CNTNAP5: variants seen among roughly 807,000 people sequenced by gnomAD.
The protein encoded by CNTNAP5 is contactin associated protein family member 5.
CNTNAP5 carries 72 observed loss-of-function variants against 150.2 expected under a neutral mutation model. The ratio of observed to expected loss-of-function variants is 0.48; its 90% CI spans 0.40 to 0.58. CNTNAP5 has a LOEUF of 0.58. Among genes scored for constraint, CNTNAP5 ranks in the 20% least tolerant of loss-of-function variants. The probability of loss-of-function intolerance (pLI) is 0.00; values close to 1 mark genes in which losing one functional copy is unlikely to be tolerated. For synonymous variants in CNTNAP5, 672 were observed against 619.8 expected, an observed-to-expected ratio of 1.08 and a Z score of -1.25; for missense variants, 1,636 against 1,626.2, an observed-to-expected ratio of 1.01 and a Z score of -0.10.
At chr2:124,620,184 G>A (rs982768861) in intron 12 of CNTNAP5, among the ~76,000 whole-genome samples, 1 of 152,038 alleles carries the variant, frequency 6.6e-6, no homozygotes, top group Non-Finnish European at 1.5e-5. Context: ...ACTTGAATGA[G>A]TCTAGTGTAA....
At chr2:124,856,591 G>C (rs1417796064) in intron 19 of CNTNAP5, among the ~76,000 whole-genome samples, 1 of 152,112 alleles carries the variant, frequency 6.6e-6, no homozygotes, top group African/African-American at 2.4e-5. Flanking sequence ...GATCATGAGT[G>C]ATGTTGAGCA....
intron 13 of CNTNAP5, among the ~76,000 whole-genome samples, chr2:124,714,716 T>C (rs914024966): frequency 6.6e-6 from 1 of 151,498 alleles, no homozygotes; most frequent in Non-Finnish European, 1.5e-5. Flanking sequence ...CTATATATTG[T>C]ATAATAATAT....
At chr2:124,675,180 CTTA>C (rs1156752220) in intron 13 of CNTNAP5, among the ~76,000 whole-genome samples, 2 of 151,936 alleles carry the variant, frequency 1.3e-5, no homozygotes, top group Non-Finnish European at 2.9e-5. Context: ...ATGATTTTCT[CTTA>C]TTATTATAAA....
chr2:124,465,263 T>G (rs923577748), intron 6 of CNTNAP5, among the ~76,000 whole-genome samples: 5 of 152,190 alleles, frequency 3.3e-5, no homozygotes, highest in African/African-American at 1.2e-4. Context: ...AGCTCACCTG[T>G]GACAACAGTA....
intron 17 of CNTNAP5, among the ~76,000 whole-genome samples, chr2:124,784,279 C>T (rs1681517847): frequency 6.6e-6 from 1 of 152,148 alleles, no homozygotes; most frequent in Non-Finnish European, 1.5e-5. Context: ...ATCAGTTTTG[C>T]TGGAGCATGT....
At chr2:124,124,036 G>C (rs1477090335) in intron 1 of CNTNAP5, among the ~76,000 whole-genome samples, 1 of 152,178 alleles carries the variant, frequency 6.6e-6, no homozygotes, top group Non-Finnish European at 1.5e-5. Context: ...TCCAGCAACG[G>C]AACAAAGCTG....
chr2:124,312,420 C>T (rs183387412), intron 3 of CNTNAP5, among the ~76,000 whole-genome samples: 2 of 152,236 alleles, frequency 1.3e-5, no homozygotes, highest in East Asian at 3.9e-4. Context: ...GTGATCTCGG[C>T]TCACTGCAAC....
chr2:124,674,908 A>C (rs1176694093), intron 13 of CNTNAP5, among the ~76,000 whole-genome samples: 3 of 152,068 alleles, frequency 2.0e-5, no homozygotes, highest in African/African-American at 7.2e-5. Context: ...CATATGGTCT[A>C]TCTTGGATAA....
chr2:124,408,031 G>T lies in CNTNAP5; in HGVS notation c.382-9412G>T, dbSNP rs193112933. ...GCGCAGGTCAGTGGGTGCGCGCACC[G>T]TACGCCAGCCGAAGCAGGGCGAGGC... On this transcript the variant is annotated intron_variant, in intron 3 of 23. Transcript: ENST00000682447. Among the ~76,000 whole-genome samples the T allele has an allele frequency of 4.0e-3, 611 of 151,986 alleles. 9 individuals are homozygous for T. The highest frequency in any genetic ancestry group is 0.013 in the African/African-American group (544 of 41,460).
chr2:124,446,925 C>A lies in CNTNAP5; in HGVS notation c.906C>A (p.Asp302Glu), dbSNP rs1361960256. The A allele has an allele frequency of 6.2e-7, 1 of 1,613,342 alleles. No individual in the cohort carries two copies. The highest frequency in any genetic ancestry group is 8.5e-7 in the Non-Finnish European group (1 of 1,179,492). The change falls in exon 6 of 24, where the codon GAC becomes GAA. Residue 302 changes from aspartate (D) to glutamate (E), a missense_variant. Asp to Glu is a conservative substitution (Grantham distance 45, BLOSUM62 2). Transcript: ENST00000682447. ...FRTKGETDAL[D>E]IDYELSFGGI... ...CCAAGGGCGAGACGGATGCCTTAGA[C>A]ATTGACTATGAGGTGAGTTGATCCT...
intron 12 of CNTNAP5, among the ~76,000 whole-genome samples, chr2:124,630,192 GA>G (rs1670908359): frequency 6.6e-6 from 1 of 151,952 alleles, no homozygotes; most frequent in Non-Finnish European, 1.5e-5. Context: ...CCAAACAATT[GA>G]AAAGGAATGA....
intron 12 of CNTNAP5, among the ~76,000 whole-genome samples, chr2:124,626,928 T>A (rs1170258402): frequency 6.6e-6 from 1 of 152,070 alleles, no homozygotes; most frequent in Non-Finnish European, 1.5e-5. Context: ...CTAAGGAGAC[T>A]GGGAGATTTG....
At chr2:124,304,854 C>T (rs997334268) in intron 3 of CNTNAP5, among the ~76,000 whole-genome samples, 1 of 152,052 alleles carries the variant, frequency 6.6e-6, no homozygotes, top group Non-Finnish European at 1.5e-5. Flanking sequence ...TGACCCTATG[C>T]GAGGCACTTG....
At chr2:124,905,915 TG>T (rs914912330) in intron 22 of CNTNAP5, among the ~76,000 whole-genome samples, 4 of 152,138 alleles carry the variant, frequency 2.6e-5, no homozygotes, top group Non-Finnish European at 5.9e-5. Context: ...AGAGAAATAC[TG>T]GGTTGTGAAT....
chr2:124,326,293 G>A (rs1689214822), intron 3 of CNTNAP5, among the ~76,000 whole-genome samples: 1 of 152,150 alleles, frequency 6.6e-6, no homozygotes, highest in Non-Finnish European at 1.5e-5. Context: ...CTGTAATTAT[G>A]AGGATTTCAG....
chr2:124,077,788 C>G (rs1347053066), intron 1 of CNTNAP5, among the ~76,000 whole-genome samples: 1 of 152,196 alleles, frequency 6.6e-6, no homozygotes. Flanking sequence ...AAGATTCTCT[C>G]TAGTTTGTCA....
At chr2:124,200,365 A>G (rs12465633) in intron 1 of CNTNAP5, among the ~76,000 whole-genome samples, 41,366 of 152,050 alleles carry the variant, frequency 0.27, 5,741 homozygotes, top group East Asian at 0.35. Context: ...TCTTTTTGAG[A>G]CACCACTCAT....
chr2:124,106,200 C>T (rs1683169004), intron 1 of CNTNAP5, among the ~76,000 whole-genome samples: 1 of 152,166 alleles, frequency 6.6e-6, no homozygotes, highest in African/African-American at 2.4e-5. Flanking sequence ...TCACTAACCA[C>T]TTGTGATAAA....
Position 124,774,832 on chromosome 2 carries a change from C to T in CNTNAP5, c.2752+1815C>T, listed in dbSNP as rs915769959. Among the ~76,000 whole-genome samples, 3 of 152,264 alleles carry T rather than the reference C, an allele frequency of 2.0e-5. No homozygotes were observed. The South Asian group carries it at 6.2e-4, about 32-fold the overall frequency. Reference sequence around the variant, plus strand: ...TTTATGTAGCTACAAAATTATCATACAGGCTGGATATGTGATAAAGTTTGC... The same window carrying T: ...TTTATGTAGCTACAAAATTATCATATAGGCTGGATATGTGATAAAGTTTGC... On this transcript the variant is annotated intron_variant, in intron 17 of 23. Coordinates refer to ENST00000682447, the MANE Select transcript of CNTNAP5 (RefSeq NM_001367498.1).
Sources: allele counts gnomAD v4.1 joint callset (sites outside exome capture counted in the v4.1 genomes callset), GRCh38; gene constraint gnomAD v4.1.1; transcripts MANE v1.5; gene names NCBI Gene and HGNC (gene_info 2026-07-23, HGNC 2026-07-21).